NFYC: variants seen among roughly 807,000 people sequenced by gnomAD.
NFYC encodes CAAT box DNA-binding protein subunit C.
NFYC carries 25 observed loss-of-function variants against 53.1 expected under a neutral mutation model. That is an observed-to-expected ratio of 0.47 (90% CI 0.34 to 0.66). The LOEUF (loss-of-function observed/expected upper bound fraction) is 0.66. Among genes scored for constraint, NFYC ranks in the 30% least tolerant of loss-of-function variants. NFYC has a pLI of 0.01. For synonymous variants in NFYC, 145 were observed against 152.6 expected (o/e 0.95, Z 0.37); for missense variants, 260 against 422.7 (o/e 0.62, Z 3.38).
intron 1 of NFYC, among the ~76,000 whole-genome samples, chr1:40,716,644 C>A (rs369248685): frequency 2.0e-5 from 3 of 152,122 alleles, no homozygotes; most frequent in African/African-American, 7.2e-5. Context: ...AGGTTCACAA[C>A]CCTTATAGGA....
chr1:40,752,169 A>G (rs1021249720), intron 4 of NFYC, among the ~76,000 whole-genome samples: 1 of 152,248 alleles, frequency 6.6e-6, no homozygotes, highest in African/African-American at 2.4e-5. Flanking sequence ...CTGTATACTT[A>G]CAACCTAGAT....
chr1:40,770,819 C>T lies in NFYC; in HGVS notation c.999C>T (p.Thr333=), dbSNP rs1247654553. The T allele has an allele frequency of 1.2e-6, 2 of 1,608,936 alleles. No homozygotes were observed. Among genetic ancestry groups the T allele is most frequent in the Non-Finnish European group, 8.5e-7 (1 of 1,179,962 alleles). Residue 333 remains threonine, a synonymous_variant, in exon 10 of 10, where the codon ACC becomes ACT. Coordinates refer to ENST00000447388, the MANE Select transcript of NFYC (RefSeq NM_014223.5). The surrounding 1 kb of genome is among the most constrained non-coding windows in gnomAD (Gnocchi z 5.3). ...QPSDGQAPQV[T]GD ...CCGACGGGCAGGCCCCCCAGGTGACCGGCGACTGAGGGCCTGAGCTGGCAA... is the reference window on the plus strand; with the variant it reads ...CCGACGGGCAGGCCCCCCAGGTGACTGGCGACTGAGGGCCTGAGCTGGCAA...
chr1:40,757,269 A>T (rs752813270), intron 5 of NFYC: 33 of 526,642 alleles, frequency 6.3e-5, no homozygotes, highest in Non-Finnish European at 1.0e-4. Flanking sequence ...TCAACCCTGG[A>T]CCCTGTGGGC....
rs934745522 is a variant in NFYC, at chr1:40,753,143, T to C, written c.292-8T>C. On this transcript the variant is annotated splice_region_variant and splice_polypyrimidine_tract_variant and intron_variant, in intron 4 of 9. Transcript: ENST00000447388. The stretch of plus-strand genomic sequence containing the variant: ...GCTAATTTTTCACACCGCTCTTCTT[T>C]GTTACAGAGAAATGATATCGCCATG... 9 of 1,604,504 alleles carry C rather than the reference T, an allele frequency of 5.6e-6. No individual in the cohort carries two copies. In the African/African-American group the frequency reaches 1.1e-4, roughly 19 times the overall value.
intron 1 of NFYC, among the ~76,000 whole-genome samples, chr1:40,705,118 A>G (rs536033712): frequency 2.6e-5 from 4 of 152,362 alleles, no homozygotes; most frequent in East Asian, 3.9e-4. Context: ...GGTGATATCT[A>G]TACATTACAG....
At chr1:40,738,106 T>G (rs1420081558) in intron 1 of NFYC, among the ~76,000 whole-genome samples, 1 of 151,864 alleles carries the variant, frequency 6.6e-6, no homozygotes, top group East Asian at 2.0e-4. Context: ...GTTTCACTGT[T>G]TTAGCCAGGA....
In NFYC at chr1:40,729,506, T is replaced by C. The variant is rs543795376; in HGVS notation, c.-8-9330T>C. On this transcript the variant is annotated intron_variant, in intron 1 of 9. Transcript: ENST00000447388. ...TAAAGGAATGTTGTGGTTGGTTTGA[T>C]CTTCTGTCTAGACCACTGAAACTTT... Among the ~76,000 whole-genome samples, 11 of 152,338 alleles carry C rather than the reference T, an allele frequency of 7.2e-5. No individual in the cohort carries two copies. The South Asian group carries it at 2.3e-3, about 32-fold the overall frequency.
chr1:40,748,363 T>A (rs1013402258), intron 3 of NFYC, among the ~76,000 whole-genome samples: 2 of 152,048 alleles, frequency 1.3e-5, no homozygotes, highest in Admixed American at 1.3e-4. Context: ...AGTCACGAAC[T>A]CCTGGGCTCA....
chr1:40,736,233 T>C (rs767455061), intron 1 of NFYC, among the ~76,000 whole-genome samples: 12 of 152,208 alleles, frequency 7.9e-5, no homozygotes, highest in Non-Finnish European at 1.6e-4. Flanking sequence ...GAGGCTTGTA[T>C]TGTTGTTTTC....
At chr1:40,704,081 GT>G (rs11296946) in intron 1 of NFYC, among the ~76,000 whole-genome samples, 100,749 of 135,824 alleles carry the variant, frequency 0.74, 37,371 homozygotes, top group African/African-American at 0.86. Flanking sequence ...TGATTTAAGT[GT>G]TTTTTTTTTT....
At chr1:40,733,168 A>G (rs1644856110) in intron 1 of NFYC, among the ~76,000 whole-genome samples, 2 of 152,008 alleles carry the variant, frequency 1.3e-5, no homozygotes, top group African/African-American at 4.8e-5. Flanking sequence ...CTTGTATAGC[A>G]GGAGGGGAAA....
intron 1 of NFYC, among the ~76,000 whole-genome samples, chr1:40,727,659 T>C (rs996104690): frequency 2.0e-5 from 3 of 151,572 alleles, no homozygotes; most frequent in Admixed American, 6.6e-5. Flanking sequence ...GCTTTCCAAG[T>C]AGCTGGGATT....
Position 40,738,824 on chromosome 1 carries a change from G to GTT in NFYC, c.-8-10_-8-9dup. 6.3e-7 allele frequency: 1 copy of GTT among 1,598,098 alleles called. No individual in the cohort carries two copies. The highest frequency in any genetic ancestry group is 8.6e-7 in the Non-Finnish European group (1 of 1,165,702). ...TGTTTCTAATGTGTCTTATGTATGT[G>GTT]TTTATTTTCAGTTGTCGAGATGTCC... On this transcript the variant is annotated splice_polypyrimidine_tract_variant and intron_variant, in intron 1 of 9. Coordinates refer to ENST00000447388, the MANE Select transcript of NFYC (RefSeq NM_014223.5).
At chr1:40,733,805 A>C (rs1436273821) in intron 1 of NFYC, among the ~76,000 whole-genome samples, 1 of 151,856 alleles carries the variant, frequency 6.6e-6, no homozygotes, top group South Asian at 2.1e-4. Flanking sequence ...GTGCAGTGGC[A>C]TTATCTTGAC....
chr1:40,747,676 A>G, intron 3 of NFYC, 71 bp downstream of exon 3: 1 of 968,184 alleles, frequency 1.0e-6, no homozygotes, highest in South Asian at 1.4e-5. Flanking sequence ...TCATTTCTCT[A>G]GAGCTCAAAG....
At chr1:40,729,944 G>A (rs917096167) in intron 1 of NFYC, among the ~76,000 whole-genome samples, 14 of 152,206 alleles carry the variant, frequency 9.2e-5, no homozygotes, top group Admixed American at 9.2e-4. Flanking sequence ...CCAAAGTGCT[G>A]GGATTACAGG....
At chr1:40,695,402 C>A (rs1451257161) in intron 1 of NFYC, among the ~76,000 whole-genome samples, 1 of 152,166 alleles carries the variant, frequency 6.6e-6, no homozygotes, top group African/African-American at 2.4e-5. Flanking sequence ...TGGAGCTATG[C>A]TGGGAGTCTT....
chr1:40,696,310 A>AC (rs1643142649), intron 1 of NFYC, among the ~76,000 whole-genome samples: 1 of 152,238 alleles, frequency 6.6e-6, no homozygotes, highest in Admixed American at 6.5e-5. Context: ...GGTGTTAGCC[A>AC]CAGTGCTCAG....
intron 2 of NFYC, 45 bp downstream of exon 2, chr1:40,738,993 T>C (rs767297187): frequency 2.2e-6 from 3 of 1,374,462 alleles, no homozygotes; most frequent in Non-Finnish European, 3.1e-6. Context: ...TTAAAGAGTA[T>C]AAAGAGCTCT....
Sources: gnomAD v4.1 joint callset for allele counts (sites outside exome capture counted in the v4.1 genomes callset) on GRCh38, gnomAD v4.1.1 for gene constraint, Gnocchi (gnomAD v3.1) non-coding constraint, MANE v1.5 for transcripts, NCBI Gene and HGNC (gene_info 2026-07-23, HGNC 2026-07-21) for gene names.